The following BMP7 variants were observed in gnomAD, a reference collection of about 807,000 sequenced individuals.
BMP7 encodes the protein osteogenic protein 1.
Under a neutral mutation model 41.2 loss-of-function variants are expected in BMP7, and 12 were observed. That is an observed-to-expected ratio of 0.29 (90% CI 0.19 to 0.47). The LOEUF is 0.47. Among genes scored for constraint, BMP7 ranks in the 20% least tolerant of loss-of-function variants. The pLI, the probability that BMP7 is intolerant of heterozygous loss-of-function variation, is 0.99. For missense variants in BMP7, 467 were observed against 606.0 expected, an observed-to-expected ratio of 0.77 and a Z score of 2.41; for synonymous variants, 248 against 250.0, an observed-to-expected ratio of 0.99 and a Z score of 0.07.
At chr20:57,216,508 G>GGGGGCTGTCTCCTGAGGGCGA (rs1555814640) in intron 2 of BMP7, among the ~76,000 whole-genome samples, 2 of 149,116 alleles carry the variant, frequency 1.3e-5, no homozygotes, top group East Asian at 2.0e-4. Flanking sequence ...CTGAGGGCGA[G>GGGGGCTGTCTCCTGAGGGCGA]GGGGCTGTCT....
intron 2 of BMP7, among the ~76,000 whole-genome samples, chr20:57,223,097 G>A (rs1216596854): frequency 6.6e-6 from 1 of 152,084 alleles, no homozygotes; most frequent in Admixed American, 6.5e-5. Flanking sequence ...AGGCATGGTG[G>A]TACATACTTG....
chr20:57,173,125 G>A (rs763590054), intron 6 of BMP7, 75 bp downstream of exon 6: 41 of 1,452,158 alleles, frequency 2.8e-5, no homozygotes, highest in Non-Finnish European at 3.7e-5. Flanking sequence ...GCCCCAGCTT[G>A]GAGGCAGCAG....
At chr20:57,247,056 G>A (rs1452125822) in intron 1 of BMP7, among the ~76,000 whole-genome samples, 1 of 152,070 alleles carries the variant, frequency 6.6e-6, no homozygotes, top group African/African-American at 2.4e-5. Context: ...GTTCACTACT[G>A]GGATGATTAT....
rs1985258454 is a variant in BMP7 at position 57,224,321 on chromosome 20, T to C, written c.611+3908A>G. ...TTTTCATCCAGCTGCCAACATCATCTCGACCTTGGTGGCGGCCGACTCCCT... is the reference window on the plus strand; with the variant it reads ...TTTTCATCCAGCTGCCAACATCATCCCGACCTTGGTGGCGGCCGACTCCCT... On this transcript the variant is annotated intron_variant, in intron 2 of 6. Transcript: ENST00000395863. The surrounding 1 kb of genome is among the most constrained non-coding windows in gnomAD (Gnocchi z 4.8). Among the ~76,000 whole-genome samples the C allele has an allele frequency of 6.6e-6, 1 of 152,122 alleles. No homozygotes were observed. Among genetic ancestry groups the C allele is most frequent in the South Asian group, 2.1e-4 (1 of 4,822 alleles).
intron 1 of BMP7, among the ~76,000 whole-genome samples, chr20:57,242,378 G>T (rs188355152): frequency 2.8e-4 from 43 of 152,340 alleles, no homozygotes; most frequent in African/African-American, 1.0e-3. Flanking sequence ...AGAGGGTCAA[G>T]AAACCTGGGG....
At chr20:57,204,303 G>A (rs554780759) in intron 2 of BMP7, among the ~76,000 whole-genome samples, 27 of 152,258 alleles carry the variant, frequency 1.8e-4, no homozygotes, top group South Asian at 4.1e-4. Context: ...GACAGCCACC[G>A]CTATTTATCT....
rs116216575 is a variant in BMP7 at position 57,214,237 on chromosome 20, A to G, written c.612-11614T>C. Among the ~76,000 whole-genome samples the G allele has an allele frequency of 3.1e-3, 476 of 152,184 alleles. 2 individuals carry two copies. Among genetic ancestry groups the G allele is most frequent in the African/African-American group, 0.011 (449 of 41,530 alleles). On this transcript the variant is annotated intron_variant, in intron 2 of 6. Transcript: ENST00000395863. The surrounding 1 kb of genome is among the most constrained non-coding windows in gnomAD (Gnocchi z 4.0). ...GTCACCCCTGCACGGTGATGGTTTG[A>G]TGGTGGAGGGAGAGCTACCACCCAG...
intron 3 of BMP7, among the ~76,000 whole-genome samples, chr20:57,194,002 AC>A (rs1481609243): frequency 6.6e-6 from 1 of 152,114 alleles, no homozygotes; most frequent in African/African-American, 2.4e-5. Flanking sequence ...CTCGTGCCTG[AC>A]CTTCCTCCGT....
chr20:57,260,976 G>C (rs2066152015), intron 1 of BMP7, among the ~76,000 whole-genome samples: 1 of 152,190 alleles, frequency 6.6e-6, no homozygotes, highest in Non-Finnish European at 1.5e-5. Context: ...AGACGGGGGA[G>C]ACTTAGGGCA....
At chr20:57,253,037 TA>T (rs940196492) in intron 1 of BMP7, among the ~76,000 whole-genome samples, 1 of 152,128 alleles carries the variant, frequency 6.6e-6, no homozygotes, top group African/African-American at 2.4e-5. Context: ...CTAAACGTAC[TA>T]AAAAGGGCAC....
rs1322825934 is a variant in BMP7 at position 57,256,888 on chromosome 20, C to CA, written c.418+8816dup. On this transcript the variant is annotated intron_variant, in intron 1 of 6. Coordinates refer to ENST00000395863, the MANE Select transcript of BMP7 (RefSeq NM_001719.3). ...GGGCAACAAAAGCGAAACTCCATCT[C>CA]AAAAAAAAAAGAAAAAAAGAAATAA... 1.1e-3 allele frequency among the ~76,000 whole-genome samples: 146 copies of CA among 138,370 alleles called. 1 individual carries two copies. The highest frequency in any genetic ancestry group is 1.1e-3 in the Non-Finnish European group (71 of 63,682). 90.8% of individuals were successfully genotyped at this position (138,370 alleles called of 152,430 possible). A position where few individuals can be genotyped will look rare whatever the true frequency, so the allele number is the denominator to read the frequency against.
Position 57,266,192 on chromosome 20 carries a change from A to C in BMP7, c.-70T>G. On this transcript the variant is annotated 5_prime_UTR_variant, in exon 1 of 7. Transcript: ENST00000395863. Reference sequence around the variant, plus strand: ...CACCGCCCCAGGTGGCAGAGGGGGCAGGCGGCCGTCCGCGCCGCTCGGTCA... The same window carrying C: ...CACCGCCCCAGGTGGCAGAGGGGGCCGGCGGCCGTCCGCGCCGCTCGGTCA... The C allele has an allele frequency of 2.2e-6, 3 of 1,373,860 alleles. No individual in the cohort carries two copies. The highest frequency in any genetic ancestry group is 2.8e-6 in the Non-Finnish European group (3 of 1,067,716). 85.1% of individuals were successfully genotyped at this position (1,373,860 alleles called of 1,614,324 possible). A position where few individuals can be genotyped will look rare whatever the true frequency, so the allele number is the denominator to read the frequency against.
At chr20:57,173,414 G>T in intron 5 of BMP7, 104 bp from the exon 6 acceptor site, 1 of 1,126,404 alleles carries the variant, frequency 8.9e-7, no homozygotes, top group Non-Finnish European at 1.3e-6. Flanking sequence ...CACGACCCAA[G>T]GTGGAAGCCT....
rs1392805160 is a variant in BMP7, at chr20:57,259,976, C to T, written c.418+5729G>A. Among the ~76,000 whole-genome samples, 1 of 152,050 alleles carries T rather than the reference C, an allele frequency of 6.6e-6. No homozygotes were observed. The highest frequency in any genetic ancestry group is 1.5e-5 in the Non-Finnish European group (1 of 68,024). ...TTGCTGCAAAACCCGGAATTCAATCCCAGCTTGAACACACAGCTAATACCA... is the reference window on the plus strand; with the variant it reads ...TTGCTGCAAAACCCGGAATTCAATCTCAGCTTGAACACACAGCTAATACCA... On this transcript the variant is annotated intron_variant, in intron 1 of 6. Transcript: ENST00000395863. This position sits in a 1 kb window ranked among gnomAD's most constrained non-coding sequence, Gnocchi z 4.7.
chr20:57,237,717 C>T (rs1271181658), intron 1 of BMP7, among the ~76,000 whole-genome samples: 27 of 152,178 alleles, frequency 1.8e-4, no homozygotes, highest in Non-Finnish European at 1.5e-5. Context: ...GCTCTATGCC[C>T]AGAGAAACAG....
At chr20:57,198,727 C>T (rs1465582186) in intron 3 of BMP7, among the ~76,000 whole-genome samples, 9 of 152,180 alleles carry the variant, frequency 5.9e-5, no homozygotes, top group South Asian at 2.1e-4. Flanking sequence ...GGAAGGAGGA[C>T]GCCATCTGGG....
At chr20:57,173,145 G>T (rs779114830) in intron 6 of BMP7, 55 bp downstream of exon 6, 111 of 1,534,410 alleles carry the variant, frequency 7.2e-5, no homozygotes, top group Non-Finnish European at 9.7e-5. Context: ...GGATCTGGTG[G>T]CCCCGCAGCC....
chr20:57,190,575 G>C (rs1389579359), intron 3 of BMP7, among the ~76,000 whole-genome samples: 9 of 152,028 alleles, frequency 5.9e-5, no homozygotes, highest in Admixed American at 4.6e-4. Flanking sequence ...TTTGGGCAGG[G>C]GGCGACGTGG....
chr20:57,220,720 A>G (rs1985169773), intron 2 of BMP7, among the ~76,000 whole-genome samples: 1 of 152,244 alleles, frequency 6.6e-6, no homozygotes, highest in Non-Finnish European at 1.5e-5. Context: ...TAACGTAATT[A>G]TAATCATCAC....
Sources: allele counts gnomAD v4.1 joint callset (sites outside exome capture counted in the v4.1 genomes callset), GRCh38; gene constraint gnomAD v4.1.1; non-coding constraint Gnocchi (gnomAD v3.1); transcripts MANE v1.5; gene names NCBI Gene and HGNC (gene_info 2026-07-23, HGNC 2026-07-21).